NREP: variants seen among roughly 807,000 people sequenced by gnomAD.
The protein encoded by NREP is neuronal regeneration-related protein.
A neutral mutation model predicts 8.6 loss-of-function variants in NREP; 5 were observed. The ratio of observed to expected loss-of-function variants is 0.58; its 90% CI spans 0.30 to 1.22. The LOEUF (loss-of-function observed/expected upper bound fraction) is 1.22, where lower values mean the gene tolerates loss of function less well. Ranked by LOEUF, NREP falls within the 50% of genes most tolerant of loss-of-function variation. NREP has a pLI of 0.07. For synonymous variants in NREP, 27 were observed against 28.0 expected, an observed-to-expected ratio of 0.96 and a Z score of 0.11; for missense variants, 86 against 82.5, an observed-to-expected ratio of 1.04 and a Z score of -0.17.
chr5:111,870,249 G>A (rs1398908953), intron 2 of NREP, among the ~76,000 whole-genome samples: 1 of 152,128 alleles, frequency 6.6e-6, no homozygotes, highest in African/African-American at 2.4e-5. Flanking sequence ...GGCCAACATG[G>A]CGAAACCCTG....
chr5:111,737,728 A>C (rs1749263328), intron 2 of NREP, among the ~76,000 whole-genome samples: 1 of 143,034 alleles, frequency 7.0e-6, no homozygotes, highest in South Asian at 2.1e-4. Context: ...AAAAAAAAAA[A>C]ACAAAAACAA....
chr5:111,965,509 TA>T (rs1756618230), intron 2 of NREP, among the ~76,000 whole-genome samples: 1 of 152,038 alleles, frequency 6.6e-6, no homozygotes, highest in Non-Finnish European at 1.5e-5. Flanking sequence ...CATAATAAAA[TA>T]ATAAACCCCA....
chr5:111,816,095 T>C (rs1187779179), intron 2 of NREP, among the ~76,000 whole-genome samples: 1 of 152,178 alleles, frequency 6.6e-6, no homozygotes, highest in Admixed American at 6.5e-5. Context: ...TAAACGCTAA[T>C]GAAGAATTCT....
intron 2 of NREP, among the ~76,000 whole-genome samples, chr5:111,898,734 G>A (rs1379299759): frequency 6.6e-6 from 1 of 152,138 alleles, no homozygotes; most frequent in Non-Finnish European, 1.5e-5. Flanking sequence ...CCAGATATAT[G>A]CAGCTCAAGA....
chr5:111,917,491 C>T (rs780190904), intron 2 of NREP, among the ~76,000 whole-genome samples: 2 of 152,250 alleles, frequency 1.3e-5, no homozygotes, highest in African/African-American at 4.8e-5. Flanking sequence ...TCCAGCAGCA[C>T]ATCAAAAAGC....
chr5:111,730,872 C>T lies in NREP; in HGVS notation c.*49G>A, dbSNP rs1390873222. On this transcript the variant is annotated 3_prime_UTR_variant, in exon 4 of 4. Coordinates refer to ENST00000257435, the MANE Select transcript of NREP (RefSeq NM_004772.4). ...AAAAATCCCATATATGATACCATGA[C>T]CTCATCAATACCCATACACCATATG... is the stretch of plus-strand genomic sequence containing the variant. 1.3e-6 allele frequency: 2 copies of T among 1,597,870 alleles called. No homozygotes were observed. Among genetic ancestry groups the T allele is most frequent in the East Asian group, 2.2e-5 (1 of 44,586 alleles).
intron 2 of NREP, among the ~76,000 whole-genome samples, chr5:111,845,049 G>A (rs192816893): frequency 1.1e-3 from 173 of 152,148 alleles, no homozygotes; most frequent in African/African-American, 4.0e-3. Flanking sequence ...GGTGGGTCGG[G>A]AGCCTGGGGC....
At chr5:111,793,113 T>G (rs1218359443) in intron 2 of NREP, among the ~76,000 whole-genome samples, 5 of 152,182 alleles carry the variant, frequency 3.3e-5, no homozygotes, top group Non-Finnish European at 7.3e-5. Context: ...TAAATTCAAA[T>G]GAAACATGGG....
intron 2 of NREP, among the ~76,000 whole-genome samples, chr5:111,957,501 T>C (rs1288207956): frequency 1.3e-5 from 2 of 151,966 alleles, no homozygotes; most frequent in African/African-American, 2.4e-5. Flanking sequence ...CTAGAAGGCA[T>C]AGATAACCCC....
intron 2 of NREP, among the ~76,000 whole-genome samples, chr5:111,852,418 TG>T (rs1294995578): frequency 6.6e-6 from 1 of 152,196 alleles, no homozygotes; most frequent in African/African-American, 2.4e-5. Flanking sequence ...TCTCAAATAC[TG>T]GCACAGCCTC....
Position 111,741,836 on chromosome 5 carries a change from C to G in NREP, c.4-6329G>C, listed in dbSNP as rs993568070. Among the ~76,000 whole-genome samples, 249 of 151,178 alleles carry G rather than the reference C, an allele frequency of 1.6e-3. 1 individual carries two copies. The highest frequency in any genetic ancestry group is 5.1e-3 in the African/African-American group (207 of 40,746). ...TTAAACACACACATACACACACACA[C>G]ACACACACACACACACACACACACA... On this transcript the variant is annotated intron_variant, in intron 2 of 3. Coordinates refer to ENST00000257435, the MANE Select transcript of NREP (RefSeq NM_004772.4).
At chr5:111,773,628 T>C (rs759137242) in intron 2 of NREP, among the ~76,000 whole-genome samples, 2 of 152,144 alleles carry the variant, frequency 1.3e-5, no homozygotes, top group African/African-American at 2.4e-5. Context: ...AATCAAAATT[T>C]TCACGCAAAA....
chr5:111,965,921 G>T (rs768014398), intron 2 of NREP, among the ~76,000 whole-genome samples: 1 of 152,186 alleles, frequency 6.6e-6, no homozygotes, highest in Non-Finnish European at 1.5e-5. Context: ...AGTAAATGAG[G>T]AGGATGTACA....
chr5:111,876,304 G>A (rs1325949932), intron 2 of NREP, among the ~76,000 whole-genome samples: 2 of 152,184 alleles, frequency 1.3e-5, no homozygotes, highest in Non-Finnish European at 2.9e-5. Context: ...AAGTTCTGGT[G>A]AGGACTCTTT....
intron 2 of NREP, among the ~76,000 whole-genome samples, chr5:111,889,252 C>T (rs748268244): frequency 6.6e-6 from 1 of 152,158 alleles, no homozygotes; most frequent in Admixed American, 6.5e-5. Context: ...AGGTGTTTCA[C>T]ATGTTGGAAG....
At chr5:111,894,449 ATT>A (rs11357466) in intron 2 of NREP, among the ~76,000 whole-genome samples, 23 of 147,532 alleles carry the variant, frequency 1.6e-4, no homozygotes, top group East Asian at 2.0e-4. Context: ...ATCTTGAGGG[ATT>A]TTTTTTTTTT....
intron 2 of NREP, among the ~76,000 whole-genome samples, chr5:111,890,911 C>A (rs1754379786): frequency 6.6e-6 from 1 of 152,212 alleles, no homozygotes; most frequent in African/African-American, 2.4e-5. Context: ...ATTATCTTGG[C>A]TATCAGCACT....
chr5:111,874,449 A>G (rs1266101625), intron 2 of NREP, among the ~76,000 whole-genome samples: 2 of 152,296 alleles, frequency 1.3e-5, no homozygotes, highest in African/African-American at 2.4e-5. Context: ...GTTTTCCACT[A>G]GAGTTGTTCC....
At chr5:111,790,033 G>A (rs571619004) in intron 2 of NREP, among the ~76,000 whole-genome samples, 24 of 152,096 alleles carry the variant, frequency 1.6e-4, no homozygotes, top group Middle Eastern at 6.8e-3. Context: ...CCATCAAGTA[G>A]TTTTCTTTAT....
Sources: allele counts gnomAD v4.1 joint callset (sites outside exome capture counted in the v4.1 genomes callset), GRCh38; gene constraint gnomAD v4.1.1; transcripts MANE v1.5; gene names NCBI Gene and HGNC (gene_info 2026-07-23, HGNC 2026-07-21).